The following P2RY2 variants were observed in gnomAD, a reference collection of about 807,000 sequenced individuals.
P2RY2 encodes P2Y purinoceptor 2.
For synonymous variants in P2RY2, 241 were observed against 231.9 expected (o/e 1.04, Z -0.35); for missense variants, 567 against 515.7 (o/e 1.10, Z -0.96).
At position 73,239,310 on chromosome 11, in the gene P2RY2, G is replaced by C. The variant is rs986212788; in HGVS notation, c.*4017G>C. 5.3e-5 allele frequency: 8 copies of C among 152,350 alleles called. No homozygotes were observed. Among genetic ancestry groups the C allele is most frequent in the Non-Finnish European group, 1.0e-4 (7 of 68,126 alleles). 9.4% of individuals were successfully genotyped at this position (152,350 alleles called of 1,614,324 possible). ...AGGAGGGAAGCAGGTCTGTCCTGGG[G>C]GAATGTGTGGGACCACCTCTGCCCT... On this transcript the variant is annotated 3_prime_UTR_variant, in exon 3 of 3. Transcript: ENST00000393597.
intron 1 of P2RY2, among the ~76,000 whole-genome samples, chr11:73,227,082 C>T (rs1862299395): frequency 6.6e-6 from 1 of 152,118 alleles, no homozygotes; most frequent in African/African-American, 2.4e-5. Context: ...CTCCCCTAGC[C>T]CCACAACCCC....
intron 1 of P2RY2, among the ~76,000 whole-genome samples, chr11:73,221,210 C>T (rs1395189335): frequency 1.3e-5 from 2 of 152,202 alleles, no homozygotes; most frequent in South Asian, 2.1e-4. Context: ...CTTCCTCCCC[C>T]ACCCCCTCTG....
rs1175600296 is a variant in P2RY2 at position 73,234,758 on chromosome 11, C to T, written c.599C>T (p.Ser200Leu). The T allele has an allele frequency of 1.2e-6, 2 of 1,611,328 alleles. No individual in the cohort carries two copies. Among genetic ancestry groups the T allele is most frequent in the Non-Finnish European group, 1.7e-6 (2 of 1,179,938 alleles). Reference protein sequence around the residue: ...ELFSRFVAYSSVMLGLLFAVP... With the variant: ...ELFSRFVAYSLVMLGLLFAVP... Reference sequence around the variant, plus strand: ...TTCAGCCGCTTCGTGGCCTACAGCTCAGTCATGCTGGGCCTGCTCTTCGCG... The same window carrying T: ...TTCAGCCGCTTCGTGGCCTACAGCTTAGTCATGCTGGGCCTGCTCTTCGCG... The change falls in exon 3 of 3, where the codon TCA (serine) becomes TTA (leucine). Residue 200 changes from serine (S) to leucine (L), a missense_variant. Transcript: ENST00000393597.
chr11:73,234,754 A>C lies in P2RY2; in HGVS notation c.595A>C (p.Ser199Arg). The change falls in exon 3 of 3, where the codon AGC becomes CGC. Residue 199 changes from serine to arginine, a missense_variant. Transcript: ENST00000393597. ...PELFSRFVAY[S>R]SVMLGLLFAV... is the part of the protein sequence containing the mutation. ...GCTCTTCAGCCGCTTCGTGGCCTACAGCTCAGTCATGCTGGGCCTGCTCTT... is the reference window on the plus strand; with the variant it reads ...GCTCTTCAGCCGCTTCGTGGCCTACCGCTCAGTCATGCTGGGCCTGCTCTT... 6.2e-7 allele frequency: 1 copy of C among 1,611,140 alleles called. No homozygotes were observed. The highest frequency in any genetic ancestry group is 8.5e-7 in the Non-Finnish European group (1 of 1,179,922).
At position 73,236,250 on chromosome 11, in the gene P2RY2, T is replaced by C; in HGVS notation, c.*957T>C. ...TTAAGCCATTTAACTGGAGCTCCGATTTAACTGGGAACCCCTTCTTTGTAG... is the reference window on the plus strand; with the variant it reads ...TTAAGCCATTTAACTGGAGCTCCGACTTAACTGGGAACCCCTTCTTTGTAG... On this transcript the variant is annotated 3_prime_UTR_variant, in exon 3 of 3. Coordinates refer to ENST00000393597, the MANE Select transcript of P2RY2 (RefSeq NM_002564.4). 1 of 894,040 alleles carries C rather than the reference T, an allele frequency of 1.1e-6. No homozygotes were observed. Among genetic ancestry groups the C allele is most frequent in the Non-Finnish European group, 1.4e-6 (1 of 732,870 alleles). The allele number at this position is 894,040 out of a possible 1,614,324, so 55.4% of individuals were successfully genotyped here.
In P2RY2 at chr11:73,238,723, C is replaced by G. The variant is rs1862712384; in HGVS notation, c.*3430C>G. On this transcript the variant is annotated 3_prime_UTR_variant, in exon 3 of 3. Coordinates refer to ENST00000393597, the MANE Select transcript of P2RY2 (RefSeq NM_002564.4). The stretch of plus-strand genomic sequence containing the variant: ...AGGGCGTGAGAAGTGAGGACTTGTT[C>G]CAGGTTATCCAGGCTGTCAGGGTGA... 6.6e-6 allele frequency among the ~76,000 whole-genome samples: 1 copy of G among 152,212 alleles called. No homozygotes were observed. Among genetic ancestry groups the G allele is most frequent in the African/African-American group, 2.4e-5 (1 of 41,448 alleles).
rs2135654237 is a variant in P2RY2, at chr11:73,239,501, G to T, written c.*4208G>T. On this transcript the variant is annotated 3_prime_UTR_variant, in exon 3 of 3. Transcript: ENST00000393597. ...GCTAGAGAGCTCGCACCCTCCCACG[G>T]CAGCAGGGTAGCCATTTCTCCCTGA... is the stretch of plus-strand genomic sequence containing the variant. 6.6e-6 allele frequency: 1 copy of T among 152,382 alleles called. No homozygotes were observed. Among genetic ancestry groups the T allele is most frequent in the East Asian group, 1.9e-4 (1 of 5,174 alleles). 9.4% of individuals were successfully genotyped at this position (152,382 alleles called of 1,614,324 possible).
Position 73,235,146 on chromosome 11 carries a change from C to G in P2RY2, c.987C>G (p.Ala329=). The change falls in exon 3 of 3, where the codon GCC becomes GCG. Residue 329 remains alanine (A), a synonymous_variant. Coordinates refer to ENST00000393597, the MANE Select transcript of P2RY2 (RefSeq NM_002564.4). The part of the protein sequence containing the change: ...DAKPPTGPSP[A]TPARRRLGLR... ...AGCCACCCACTGGCCCCAGCCCTGC[C>G]ACCCCGGCTCGCCGCAGGCTGGGCC... The G allele has an allele frequency of 6.2e-7, 1 of 1,609,122 alleles. No individual in the cohort carries two copies. Among genetic ancestry groups the G allele is most frequent in the African/African-American group, 1.3e-5 (1 of 75,048 alleles).
rs1344163378 is a variant in P2RY2 at position 73,234,493 on chromosome 11, C to G, written c.334C>G (p.Leu112Val). The stretch of plus-strand genomic sequence containing the variant: ...GGTGCTCTGCAAGCTGGTGCGCTTC[C>G]TCTTCTACACCAACCTTTACTGCAG... The part of the protein sequence containing the change: ...STVLCKLVRF[L>V]FYTNLYCSIL... Residue 112 changes from leucine to valine, a missense_variant, in exon 3 of 3, where the codon CTC (leucine) becomes GTC (valine). By Grantham distance (32) the Leu-to-Val change is conservative. Coordinates refer to ENST00000393597, the MANE Select transcript of P2RY2 (RefSeq NM_002564.4). 6.2e-7 allele frequency: 1 copy of G among 1,613,976 alleles called. No individual in the cohort carries two copies. Among genetic ancestry groups the G allele is most frequent in the South Asian group, 1.1e-5 (1 of 91,074 alleles).
At chr11:73,223,510 C>T (rs1862182060) in intron 1 of P2RY2, among the ~76,000 whole-genome samples, 1 of 152,208 alleles carries the variant, frequency 6.6e-6, no homozygotes, top group Non-Finnish European at 1.5e-5. Flanking sequence ...CGCCAAGGTG[C>T]ACCCACCTGC....
rs1479527919 is a variant in P2RY2 at position 73,240,002 on chromosome 11, G to C, written c.*4709G>C. 6.6e-6 allele frequency: 1 copy of C among 152,462 alleles called. No homozygotes were observed. Among genetic ancestry groups the C allele is most frequent in the East Asian group, 1.9e-4 (1 of 5,196 alleles). 9.4% of individuals were successfully genotyped at this position (152,462 alleles called of 1,614,324 possible). On this transcript the variant is annotated 3_prime_UTR_variant, in exon 3 of 3. Transcript: ENST00000393597. ...GGTGAAGGGTTGGGGTGAGAACTGA[G>C]CCCGAGTCGAACTCATCCTCCTCTG...
chr11:73,229,410 A>G (rs1862382906), intron 2 of P2RY2, among the ~76,000 whole-genome samples: 1 of 152,106 alleles, frequency 6.6e-6, no homozygotes, highest in African/African-American at 2.4e-5. Flanking sequence ...TTGGATAGTC[A>G]GGTGGAGCCG....
In P2RY2 at chr11:73,228,837, G is replaced by A. The variant is rs142728832; in HGVS notation, c.-5+662G>A. ...AGTAACTTGATCAAGGTTACACCAC[G>A]GGGGATGGGCTGCAATTCCTATTCA... On this transcript the variant is annotated intron_variant, in intron 2 of 2. Transcript: ENST00000393597. Among the ~76,000 whole-genome samples, 700 of 152,288 alleles carry A rather than the reference G, an allele frequency of 4.6e-3. 6 individuals are homozygous for A. The highest frequency in any genetic ancestry group is 0.016 in the African/African-American group (653 of 41,550).
intron 1 of P2RY2, among the ~76,000 whole-genome samples, chr11:73,219,539 G>C (rs1862060855): frequency 6.6e-6 from 1 of 152,332 alleles, no homozygotes; most frequent in Admixed American, 6.5e-5. Context: ...CAGGCTCACA[G>C]CTTGGGGATG....
chr11:73,232,230 CAG>C (rs1450032333), intron 2 of P2RY2, among the ~76,000 whole-genome samples: 1 of 152,118 alleles, frequency 6.6e-6, no homozygotes, highest in Non-Finnish European at 1.5e-5. Flanking sequence ...CTCCCATAAA[CAG>C]GGAGTTCACT....
chr11:73,224,815 C>T (rs1334176915), intron 1 of P2RY2, among the ~76,000 whole-genome samples: 1 of 152,184 alleles, frequency 6.6e-6, no homozygotes, highest in Non-Finnish European at 1.5e-5. Flanking sequence ...GATAACCCCA[C>T]CCTCCATGCC....
chr11:73,233,923 C>G (rs1198995057), intron 2 of P2RY2: 1 of 550,236 alleles, frequency 1.8e-6, no homozygotes, highest in East Asian at 3.0e-5. Flanking sequence ...CAAAAGCAGA[C>G]TGGATCTGGC....
At position 73,225,435 on chromosome 11, in the gene P2RY2, A is replaced by G. The variant is rs143077195; in HGVS notation, c.-199-2546A>G. Among the ~76,000 whole-genome samples, 833 of 152,286 alleles carry G rather than the reference A, an allele frequency of 5.5e-3. 9 individuals carry two copies. Among genetic ancestry groups the G allele is most frequent in the African/African-American group, 0.019 (783 of 41,550 alleles). On this transcript the variant is annotated intron_variant, in intron 1 of 2. Coordinates refer to ENST00000393597, the MANE Select transcript of P2RY2 (RefSeq NM_002564.4). ...ACCCCTTTCTGGCCTTAGTTTTTCT[A>G]CCTGTGAGATGGGTGCAATAACCAC...
chr11:73,220,931 T>A (rs1015931189), intron 1 of P2RY2, among the ~76,000 whole-genome samples: 3 of 152,146 alleles, frequency 2.0e-5, no homozygotes, highest in East Asian at 1.9e-4. Flanking sequence ...TTTGACTTAA[T>A]GGCTATAGTC....
Sources: allele counts gnomAD v4.1 joint callset (sites outside exome capture counted in the v4.1 genomes callset), GRCh38; gene constraint gnomAD v4.1.1; transcripts MANE v1.5; gene names NCBI Gene and HGNC (gene_info 2026-07-23, HGNC 2026-07-21).